The following CUL3 variants were observed in gnomAD, a reference collection of about 807,000 sequenced individuals.
The protein encoded by CUL3 is cullin-3.
In CUL3, 19 loss-of-function variants were observed where a neutral mutation model predicts 89.1. The ratio of observed to expected loss-of-function variants is 0.21; its 90% confidence interval spans 0.15 to 0.31. The LOEUF (loss-of-function observed/expected upper bound fraction) is 0.31, where lower values mean the gene tolerates loss of function less well. Among genes scored for constraint, CUL3 ranks in the 10% least tolerant of loss-of-function variants. The probability of loss-of-function intolerance (pLI) is 1.00; values close to 1 mark genes in which losing one functional copy is unlikely to be tolerated. For missense variants in CUL3, 469 were observed against 942.3 expected (o/e 0.50, Z 6.58); for synonymous variants, 351 against 308.4 (o/e 1.14, Z -1.45).
At chr2:224,500,185 T>C in intron 11 of CUL3, 178 bp downstream of exon 11, 1 of 567,628 alleles carries the variant, frequency 1.8e-6, no homozygotes, top group South Asian at 2.7e-5. Flanking sequence ...TGCTTTACTT[T>C]ACTCATCAAG....
At chr2:224,583,553 T>C (rs1168012744) in intron 1 of CUL3, among the ~76,000 whole-genome samples, 1 of 152,170 alleles carries the variant, frequency 6.6e-6, no homozygotes, top group Non-Finnish European at 1.5e-5. Flanking sequence ...ATTTCTCACG[T>C]TTACTTAGAA....
intron 1 of CUL3, among the ~76,000 whole-genome samples, chr2:224,575,622 C>T (rs1485673786): frequency 6.6e-6 from 1 of 152,100 alleles, no homozygotes; most frequent in Non-Finnish European, 1.5e-5. Context: ...TTATTATGTG[C>T]CAAGCACTAT....
chr2:224,527,128 T>TA (rs1693510448), intron 3 of CUL3, among the ~76,000 whole-genome samples: 1 of 152,152 alleles, frequency 6.6e-6, no homozygotes, highest in Non-Finnish European at 1.5e-5. Context: ...AGACCTTTCT[T>TA]ACAAAAGCAA....
chr2:224,559,452 CAAAAAAA>C (rs34898102), intron 1 of CUL3, among the ~76,000 whole-genome samples: 2 of 67,504 alleles, frequency 3.0e-5, no homozygotes, highest in Non-Finnish European at 6.4e-5. Flanking sequence ...GATTGTGTCT[CAAAAAAA>C]AAAAAAAAAA....
intron 2 of CUL3, among the ~76,000 whole-genome samples, chr2:224,546,339 C>G (rs1694297829): frequency 6.6e-6 from 1 of 152,012 alleles, no homozygotes; most frequent in African/African-American, 2.4e-5. Flanking sequence ...TCTAAGCCGA[C>G]AGACAGACTT....
intron 6 of CUL3, among the ~76,000 whole-genome samples, chr2:224,507,346 C>G (rs1692640464): frequency 6.6e-6 from 1 of 152,080 alleles, no homozygotes; most frequent in South Asian, 2.1e-4. Flanking sequence ...TTCATAAATA[C>G]TTTATCCTAC....
intron 1 of CUL3, among the ~76,000 whole-genome samples, chr2:224,565,671 A>C (rs1293998485): frequency 6.6e-6 from 1 of 152,292 alleles, no homozygotes; most frequent in Middle Eastern, 3.4e-3. Flanking sequence ...TGCTTCTTCT[A>C]CATCTTCCTC....
At chr2:224,535,277 G>A (rs866908512) in intron 3 of CUL3, among the ~76,000 whole-genome samples, 2 of 152,094 alleles carry the variant, frequency 1.3e-5, no homozygotes, top group African/African-American at 2.4e-5. Flanking sequence ...CGGTTCAAGC[G>A]ATTCTCCTGC....
At chr2:224,582,962 G>C in intron 1 of CUL3, among the ~76,000 whole-genome samples, 1 of 152,170 alleles carries the variant, frequency 6.6e-6, no homozygotes, top group South Asian at 2.1e-4. Flanking sequence ...TCAATCAGAA[G>C]GCCATTAACT....
chr2:224,489,812 A>G (rs1470624857), intron 13 of CUL3, among the ~76,000 whole-genome samples: 1 of 152,210 alleles, frequency 6.6e-6, no homozygotes, highest in Non-Finnish European at 1.5e-5. Flanking sequence ...CTTCATGACT[A>G]AAACACCAAA....
intron 1 of CUL3, among the ~76,000 whole-genome samples, chr2:224,576,366 T>A (rs2106324914): frequency 6.6e-6 from 1 of 152,264 alleles, no homozygotes; most frequent in East Asian, 1.9e-4. Context: ...TCAGGGTCAC[T>A]GACAATTTCA....
At chr2:224,511,162 A>G (rs1013998233) in intron 6 of CUL3, among the ~76,000 whole-genome samples, 192 bp downstream of exon 6, 2 of 152,226 alleles carry the variant, frequency 1.3e-5, no homozygotes, top group Non-Finnish European at 2.9e-5. Flanking sequence ...TTCATTAGAA[A>G]TATCTAAAAT....
Position 224,576,205 on chromosome 2 carries a change from G to A in CUL3, c.66+8739C>T, listed in dbSNP as rs564504522. 4.6e-5 allele frequency among the ~76,000 whole-genome samples: 7 copies of A among 152,268 alleles called. No individual in the cohort carries two copies. In the South Asian group the frequency reaches 1.5e-3, roughly 32 times the overall value. ...TAGAAACCTCAATTCAAAAAGATAA[G>A]CCTGAGAAATAGGGGACCAGAGTGT... On this transcript the variant is annotated intron_variant, in intron 1 of 15. Transcript: ENST00000264414.
chr2:224,477,866 A>G (rs186021427), intron 15 of CUL3, among the ~76,000 whole-genome samples: 1 of 152,378 alleles, frequency 6.6e-6, no homozygotes, highest in East Asian at 1.9e-4. Flanking sequence ...TTGTAAAATG[A>G]AAGCATTTAA....
rs78761110 is a variant in CUL3 at position 224,564,599 on chromosome 2, T to G, written c.67-6743A>C. Among the ~76,000 whole-genome samples the G allele has an allele frequency of 8.2e-3, 1,250 of 152,348 alleles. 14 individuals carry two copies. The highest frequency in any genetic ancestry group is 0.026 in the South Asian group (125 of 4,822). On this transcript the variant is annotated intron_variant, in intron 1 of 15. Transcript: ENST00000264414. ...ACGTCATAGGAAAAAACAGTACATATAGGGCTCAGGGCTATATGGTTTCAA... is the reference window on the plus strand; with the variant it reads ...ACGTCATAGGAAAAAACAGTACATAGAGGGCTCAGGGCTATATGGTTTCAA...
chr2:224,517,897 C>T (rs547045187), intron 3 of CUL3, among the ~76,000 whole-genome samples: 2 of 152,090 alleles, frequency 1.3e-5, no homozygotes, highest in Non-Finnish European at 2.9e-5. Flanking sequence ...TCCAAAGCAT[C>T]CAATCTAGCT....
At chr2:224,502,459 T>C (rs1432409350) in intron 10 of CUL3, among the ~76,000 whole-genome samples, 1 of 152,226 alleles carries the variant, frequency 6.6e-6, no homozygotes, top group Non-Finnish European at 1.5e-5. Flanking sequence ...ACATTTATAA[T>C]ACATTAATTT....
intron 1 of CUL3, among the ~76,000 whole-genome samples, chr2:224,570,917 C>G (rs1390057571): frequency 2.6e-5 from 4 of 152,220 alleles, no homozygotes; most frequent in East Asian, 3.9e-4. Context: ...TCCAGATTAG[C>G]CTATTTAAGT....
intron 1 of CUL3, among the ~76,000 whole-genome samples, chr2:224,583,405 A>G (rs1285065983): frequency 1.3e-5 from 2 of 152,214 alleles, no homozygotes; most frequent in African/African-American, 4.8e-5. Context: ...TAACTTCATA[A>G]AATTCTAAGT....
Sources: gnomAD v4.1 joint callset for allele counts (sites outside exome capture counted in the v4.1 genomes callset) on GRCh38, gnomAD v4.1.1 for gene constraint, MANE v1.5 for transcripts, NCBI Gene and HGNC (gene_info 2026-07-23, HGNC 2026-07-21) for gene names.